The following CREBBP variants were observed in gnomAD, a reference collection of about 807,000 sequenced individuals.
CREBBP encodes CREB-binding protein.
In CREBBP, 19 loss-of-function variants were observed where a neutral mutation model predicts 265.0. The ratio of observed to expected loss-of-function variants is 0.07; its 90% CI spans 0.05 to 0.11. The LOEUF (loss-of-function observed/expected upper bound fraction) is 0.11. Among genes scored for constraint, CREBBP ranks in the 10% least tolerant of loss-of-function variants. The pLI is 1.00. For missense variants in CREBBP, 2,525 were observed against 3,219.0 expected (o/e 0.78, Z 5.22); for synonymous variants, 1,457 against 1,223.7 (o/e 1.19, Z -3.98).
intron 1 of CREBBP, among the ~76,000 whole-genome samples, chr16:3,866,205 G>C (rs556743363): frequency 1.3e-5 from 2 of 152,124 alleles, no homozygotes; most frequent in African/African-American, 4.8e-5. Flanking sequence ...TGTGACAATC[G>C]ACATGTAACA....
chr16:3,824,994 GC>G (rs1397190770), intron 2 of CREBBP, among the ~76,000 whole-genome samples: 8 of 152,272 alleles, frequency 5.3e-5, no homozygotes, highest in African/African-American at 1.9e-4. Flanking sequence ...AAACTACAAA[GC>G]ACTGTGCAAT....
At chr16:3,735,921 G>A in intron 28 of CREBBP, 115 bp downstream of exon 28, 4 of 1,552,566 alleles carry the variant, frequency 2.6e-6, no homozygotes, top group South Asian at 1.1e-5. Flanking sequence ...ACGTGCATGT[G>A]TGAACGGAGA....
chr16:3,801,442 G>A (rs1285764756), intron 3 of CREBBP, among the ~76,000 whole-genome samples: 2 of 152,154 alleles, frequency 1.3e-5, no homozygotes, highest in Non-Finnish European at 2.9e-5. Flanking sequence ...GCCGAGGTGG[G>A]CAGATCACTT....
At chr16:3,849,441 G>C (rs2054761568) in intron 2 of CREBBP, among the ~76,000 whole-genome samples, 1 of 17,942 alleles carries the variant, frequency 5.6e-5, no homozygotes, top group African/African-American at 1.0e-4. Context: ...GTGTGTGTGT[G>C]TGTGTGTGTG....
chr16:3,778,308 C>A, intron 9 of CREBBP, 126 bp from the exon 10 acceptor site: 1 of 753,618 alleles, frequency 1.3e-6, no homozygotes. Context: ...TATGCAAATA[C>A]CTGATACACC....
intron 1 of CREBBP, among the ~76,000 whole-genome samples, chr16:3,862,596 T>A (rs766464685): frequency 1.3e-5 from 2 of 152,222 alleles, no homozygotes; most frequent in East Asian, 3.8e-4. Context: ...TAAGTGGACA[T>A]TAACAACGAC....
chr16:3,872,087 T>C (rs2055311421), intron 1 of CREBBP, among the ~76,000 whole-genome samples: 1 of 152,232 alleles, frequency 6.6e-6, no homozygotes, highest in Admixed American at 6.5e-5. Context: ...CAAATCTTTC[T>C]TAAGGGTAAG....
At chr16:3,829,016 A>G (rs2054292249) in intron 2 of CREBBP, among the ~76,000 whole-genome samples, 1 of 152,150 alleles carries the variant, frequency 6.6e-6, no homozygotes, top group African/African-American at 2.4e-5. Flanking sequence ...GATCACACTG[A>G]AATTTTATGC....
intron 16 of CREBBP, chr16:3,761,419 T>C: frequency 2.3e-6 from 1 of 439,468 alleles, no homozygotes; most frequent in Non-Finnish European, 4.5e-6. Flanking sequence ...TGACAAATTC[T>C]GGAAAGCGTC....
intron 16 of CREBBP, among the ~76,000 whole-genome samples, 187 bp from the exon 17 acceptor site, chr16:3,759,159 T>C (rs1382179354): frequency 6.6e-6 from 1 of 152,214 alleles, no homozygotes; most frequent in East Asian, 1.9e-4. Context: ...CAGAACTGTG[T>C]TCAGCTTGTG....
At chr16:3,853,358 C>A (rs1597060419) in intron 1 of CREBBP, among the ~76,000 whole-genome samples, 1 of 152,304 alleles carries the variant, frequency 6.6e-6, no homozygotes, top group South Asian at 2.1e-4. Flanking sequence ...CGCCTGTAAT[C>A]CCAGCACTTT....
In CREBBP at chr16:3,880,397, C is replaced by T. The variant is rs2055507863; in HGVS notation, c.-481G>A. The T allele has an allele frequency of 6.9e-6, 1 of 144,956 alleles. No homozygotes were observed. Among genetic ancestry groups the T allele is most frequent in the African/African-American group, 2.5e-5 (1 of 40,068 alleles). The allele number at this position is 144,956 out of a possible 1,614,324, so 9.0% of individuals were successfully genotyped here. The stretch of plus-strand genomic sequence containing the variant: ...GGGGGCTCCGGGCTCCGCTCCCGGC[C>T]CGCGGCCCGCCGCCGCCGCCGCCGT... On this transcript the variant is annotated 5_prime_UTR_variant, in exon 1 of 31. Transcript: ENST00000262367.
At chr16:3,802,238 TCTC>T (rs1453266576) in intron 3 of CREBBP, among the ~76,000 whole-genome samples, 1 of 144,388 alleles carries the variant, frequency 6.9e-6, no homozygotes, top group Non-Finnish European at 1.5e-5. Context: ...TTCAAGCAAT[TCTC>T]CTGTCTCACC....
intron 16 of CREBBP, among the ~76,000 whole-genome samples, chr16:3,766,071 T>G (rs1296053675): frequency 6.6e-6 from 1 of 152,056 alleles, no homozygotes; most frequent in Non-Finnish European, 1.5e-5. Context: ...TGACACTGTA[T>G]AGTGAAATAT....
chr16:3,860,946 TA>T (rs1347187582), intron 1 of CREBBP, among the ~76,000 whole-genome samples: 2 of 152,052 alleles, frequency 1.3e-5, no homozygotes, highest in African/African-American at 2.4e-5. Flanking sequence ...TCACCACAGC[TA>T]CTGCCTCCCT....
chr16:3,810,738 A>G lies in CREBBP; in HGVS notation c.840T>C (p.Phe280=). The change falls in exon 3 of 31, where the codon TTT becomes TTC. Residue 280 remains phenylalanine (F), a synonymous_variant. Coordinates refer to ENST00000262367, the MANE Select transcript of CREBBP (RefSeq NM_004380.3). The stretch of plus-strand genomic sequence containing the variant: ...CCATTGGCTGCCCTCCAGCTTGACT[A>G]AAGGGCTGTCCAAATGGACTTGTGT... ...TGNTSPFGQP[F]SQAGGQPMGA... The G allele has an allele frequency of 1.2e-6, 2 of 1,613,918 alleles. No individual in the cohort carries two copies. Among genetic ancestry groups the G allele is most frequent in the Non-Finnish European group, 1.7e-6 (2 of 1,180,026 alleles).
chr16:3,843,418 C>CA (rs1397451345), intron 2 of CREBBP, among the ~76,000 whole-genome samples: 8 of 108,428 alleles, frequency 7.4e-5, no homozygotes, highest in African/African-American at 2.7e-4. Flanking sequence ...ATAAAGTTGT[C>CA]AAAGATTTTT....
chr16:3,799,838 T>C (rs1412581963), intron 3 of CREBBP, among the ~76,000 whole-genome samples: 1 of 152,206 alleles, frequency 6.6e-6, no homozygotes, highest in Non-Finnish European at 1.5e-5. Context: ...ATGACTGTTA[T>C]TTAAGGCAAC....
chr16:3,850,351 C>T lies in CREBBP; in HGVS notation c.744G>A (p.Pro248=), dbSNP rs768197650. The T allele has an allele frequency of 3.7e-6, 6 of 1,614,118 alleles. No homozygotes were observed. Among genetic ancestry groups the T allele is most frequent in the Admixed American group, 1.7e-5 (1 of 60,002 alleles). Residue 248 remains proline, a synonymous_variant, in exon 2 of 31, where the codon CCG becomes CCA. Transcript: ENST00000262367. ...TCAGTCCCGCGTGACCAGTCATTTG[C>T]GGGGAAACCTGCGTTAGGGTCTCAG... ...VLAETLTQVS[P]QMTGHAGLNT...
Sources: gnomAD v4.1 joint callset for allele counts (sites outside exome capture counted in the v4.1 genomes callset) on GRCh38, gnomAD v4.1.1 for gene constraint, MANE v1.5 for transcripts, NCBI Gene and HGNC (gene_info 2026-07-23, HGNC 2026-07-21) for gene names.